RRBP1: variants seen among roughly 807,000 people sequenced by gnomAD.
RRBP1 encodes ribosome-binding protein 1.
A neutral mutation model predicts 165.2 loss-of-function variants in RRBP1; 94 were observed. The ratio of observed to expected loss-of-function variants is 0.57; its 90% CI spans 0.48 to 0.68. The LOEUF is 0.68. Ranked by LOEUF, RRBP1 falls within the 30% of genes least tolerant of loss-of-function variation. RRBP1 has a pLI of 0.00. For synonymous variants in RRBP1, 680 were observed against 714.5 expected, an observed-to-expected ratio of 0.95 and a Z score of 0.77; for missense variants, 1,676 against 1,763.0, an observed-to-expected ratio of 0.95 and a Z score of 0.88.
At chr20:17,644,206 G>C (rs562743417) in intron 3 of RRBP1, among the ~76,000 whole-genome samples, 18 of 152,278 alleles carry the variant, frequency 1.2e-4, no homozygotes, top group African/African-American at 4.3e-4. Flanking sequence ...CGAGCTGGTT[G>C]CTATGAGCAC....
intron 22 of RRBP1, 130 bp downstream of exon 22, chr20:17,615,796 C>A: frequency 1.2e-6 from 1 of 811,300 alleles, no homozygotes. Flanking sequence ...CCCACTGCTG[C>A]CCAGAAGGCC....
At chr20:17,620,632 C>A in intron 17 of RRBP1, 83 bp downstream of exon 17, 1 of 1,068,798 alleles carries the variant, frequency 9.4e-7, no homozygotes, top group Non-Finnish European at 1.4e-6. Flanking sequence ...ACGAGTCTCA[C>A]AGGTGACAGA....
intron 24 of RRBP1, 48 bp from the exon 25 acceptor site, chr20:17,614,268 G>A: frequency 6.3e-7 from 1 of 1,593,644 alleles, no homozygotes; most frequent in Non-Finnish European, 8.6e-7. Context: ...CACGAGCCAT[G>A]GCAGAACCAC....
At chr20:17,637,812 C>T (rs1012558220) in intron 5 of RRBP1, among the ~76,000 whole-genome samples, 2 of 152,194 alleles carry the variant, frequency 1.3e-5, no homozygotes, top group African/African-American at 4.8e-5. Flanking sequence ...GGGTGAGAGG[C>T]CCACAGGAAC....
At chr20:17,647,838 G>A (rs542169668) in intron 3 of RRBP1, among the ~76,000 whole-genome samples, 5 of 152,310 alleles carry the variant, frequency 3.3e-5, no homozygotes, top group African/African-American at 9.6e-5. Context: ...GGGCCTGCAC[G>A]GGGTGACTCC....
intron 9 of RRBP1, among the ~76,000 whole-genome samples, chr20:17,628,309 C>T (rs2036072290): frequency 6.6e-6 from 1 of 152,218 alleles, no homozygotes; most frequent in African/African-American, 2.4e-5. Flanking sequence ...GCAAACCCAA[C>T]ATCCCGACCT....
intron 2 of RRBP1, among the ~76,000 whole-genome samples, chr20:17,669,699 T>A (rs933934476): frequency 1.1e-4 from 16 of 152,212 alleles, no homozygotes; most frequent in African/African-American, 3.9e-4. Flanking sequence ...CTTCTTAGTT[T>A]TTCATAGTTT....
chr20:17,659,797 G>A lies in RRBP1; in HGVS notation c.711C>T (p.Asn237=), dbSNP rs1340570897. The A allele has an allele frequency of 1.9e-6, 3 of 1,550,656 alleles. No homozygotes were observed. Among genetic ancestry groups the A allele is most frequent in the East Asian group, 4.9e-5 (2 of 40,898 alleles). ...NQGKKTEGTP[N]QGKKAEGTPN... is the part of the protein sequence containing the mutation. ...GGGTTCCCTCTGCCTTTTTCCCTTG[G>A]TTTGGGGTTCCCTCTGTCTTTTTGC... Residue 237 remains asparagine (N), a synonymous_variant, in exon 3 of 25, where the codon AAC becomes AAT. Coordinates refer to ENST00000377813, the MANE Select transcript of RRBP1 (RefSeq NM_001365613.2).
intron 2 of RRBP1, among the ~76,000 whole-genome samples, chr20:17,677,048 C>CA (rs1245594263): frequency 1.4e-5 from 2 of 145,200 alleles, no homozygotes; most frequent in African/African-American, 2.6e-5. Flanking sequence ...GTGCCCAGCC[C>CA]AAAAAATCTA....
At position 17,660,451 on chromosome 20, in the gene RRBP1, A is replaced by C. The variant is rs778568228; in HGVS notation, c.57T>G (p.Val19=). ...CCAGGAAGATGCCAATGGCAGAAAC[A>C]ACCATGAATCCTCCAAAGACCACAA... The part of the protein sequence containing the change: ...LGVVVFGGFM[V]VSAIGIFLVS... The change falls in exon 3 of 25, where the codon GTT becomes GTG. Residue 19 remains valine (V), a synonymous_variant. Transcript: ENST00000377813. The C allele has an allele frequency of 5.6e-6, 9 of 1,614,090 alleles. No homozygotes were observed. In the South Asian group the frequency reaches 8.8e-5, roughly 16 times the overall value.
At chr20:17,640,291 G>C (rs2036327889) in intron 5 of RRBP1, among the ~76,000 whole-genome samples, 1 of 152,230 alleles carries the variant, frequency 6.6e-6, no homozygotes, top group African/African-American at 2.4e-5. Flanking sequence ...GAGTCTTCCA[G>C]AGTAAGAAGA....
chr20:17,629,983 G>A, intron 8 of RRBP1, 22 bp from the exon 9 acceptor site: 1 of 1,584,862 alleles, frequency 6.3e-7, no homozygotes, highest in Non-Finnish European at 8.6e-7. Context: ...CAGGGGAGTG[G>A]GGCAGTGAAG....
intron 12 of RRBP1, among the ~76,000 whole-genome samples, chr20:17,625,287 A>T (rs2035994978): frequency 6.6e-6 from 1 of 152,104 alleles, no homozygotes. Context: ...CGCTTGAGCG[A>T]GTGGCGCAGG....
In RRBP1 at chr20:17,643,948, C is replaced by T. The variant is rs1402636212; in HGVS notation, c.1913-821G>A. Among the ~76,000 whole-genome samples the T allele has an allele frequency of 3.3e-5, 5 of 152,146 alleles. No homozygotes were observed. The highest frequency in any genetic ancestry group is 2.6e-4 in the Admixed American group (4 of 15,284). On this transcript the variant is annotated intron_variant, in intron 3 of 24. Coordinates refer to ENST00000377813, the MANE Select transcript of RRBP1 (RefSeq NM_001365613.2). This position sits in a 1 kb window ranked among gnomAD's most constrained non-coding sequence, Gnocchi z 4.3. ...CAAGAAAGGGTGAACCAAGATGCCACGCCTGAGTGCCTGGACTCTTCCACA... is the reference window on the plus strand; with the variant it reads ...CAAGAAAGGGTGAACCAAGATGCCATGCCTGAGTGCCTGGACTCTTCCACA...
At chr20:17,625,225 G>A (rs977046990) in intron 12 of RRBP1, among the ~76,000 whole-genome samples, 11 of 152,156 alleles carry the variant, frequency 7.2e-5, no homozygotes, top group African/African-American at 2.4e-4. Flanking sequence ...GGGCAACCAC[G>A]TGACTCAGGC....
chr20:17,633,645 A>G (rs770735307), intron 7 of RRBP1, 32 bp from the exon 8 acceptor site: 1 of 1,609,700 alleles, frequency 6.2e-7, no homozygotes, highest in Admixed American at 1.7e-5. Context: ...GACTAATGGA[A>G]AGAAAAGGGT....
At chr20:17,637,169 G>A (rs2036263570) in intron 5 of RRBP1, among the ~76,000 whole-genome samples, 1 of 152,198 alleles carries the variant, frequency 6.6e-6, no homozygotes, top group African/African-American at 2.4e-5. Flanking sequence ...GGCTAGGGTG[G>A]GGGTGGGGCC....
intron 3 of RRBP1, among the ~76,000 whole-genome samples, chr20:17,650,613 C>CCT (rs1261115880): frequency 6.6e-6 from 1 of 152,228 alleles, no homozygotes; most frequent in East Asian, 1.9e-4. Context: ...TGAGGAAACA[C>CCT]CTGTTTCCAA....
At chr20:17,642,904 G>C in intron 4 of RRBP1, 75 bp downstream of exon 4, 1 of 1,471,944 alleles carries the variant, frequency 6.8e-7, no homozygotes, top group Non-Finnish European at 9.4e-7. Context: ...TCCTCTCTGT[G>C]GCAGAGGGAA....
Sources: gnomAD v4.1 joint callset for allele counts (sites outside exome capture counted in the v4.1 genomes callset) on GRCh38, gnomAD v4.1.1 for gene constraint, Gnocchi (gnomAD v3.1) non-coding constraint, MANE v1.5 for transcripts, NCBI Gene and HGNC (gene_info 2026-07-23, HGNC 2026-07-21) for gene names.